The following CPNE5 variants were observed in gnomAD, a reference collection of about 807,000 sequenced individuals.
CPNE5 encodes copine-5.
Under a neutral mutation model 81.1 loss-of-function variants are expected in CPNE5, and 42 were observed. That is an observed-to-expected ratio of 0.52 (90% CI 0.40 to 0.67). The LOEUF is 0.67. CPNE5 is among the 30% of genes least tolerant of loss of function. The pLI, the probability that CPNE5 is intolerant of heterozygous loss-of-function variation, is 0.00. For missense variants in CPNE5, 612 were observed against 815.5 expected (o/e 0.75, Z 3.04); for synonymous variants, 313 against 321.5 (o/e 0.97, Z 0.28).
chr6:36,780,639 C>G (rs963169274), intron 8 of CPNE5, among the ~76,000 whole-genome samples: 2 of 152,168 alleles, frequency 1.3e-5, no homozygotes, highest in Non-Finnish European at 2.9e-5. Flanking sequence ...CCCGCCCAGC[C>G]ACAGTGTGTG....
chr6:36,818,586 G>A (rs1345833660), intron 3 of CPNE5, among the ~76,000 whole-genome samples: 3 of 152,134 alleles, frequency 2.0e-5, no homozygotes, highest in Admixed American at 6.5e-5. Flanking sequence ...CCGTCATCTC[G>A]TTTCACCCTC....
intron 14 of CPNE5, among the ~76,000 whole-genome samples, chr6:36,749,268 T>C (rs1764535086): frequency 6.6e-6 from 1 of 152,056 alleles, no homozygotes; most frequent in Non-Finnish European, 1.5e-5. Flanking sequence ...GGTACAGGAA[T>C]CTGTGTTAGC....
rs181084747 is a variant in CPNE5 at position 36,780,468 on chromosome 6, C to T, written c.529-1511G>A. Among the ~76,000 whole-genome samples the T allele has an allele frequency of 3.4e-3, 514 of 152,336 alleles. 13 individuals carry two copies. Among genetic ancestry groups the T allele is most frequent in the Admixed American group, 0.031 (468 of 15,302 alleles). On this transcript the variant is annotated intron_variant, in intron 8 of 20. Coordinates refer to ENST00000244751, the MANE Select transcript of CPNE5 (RefSeq NM_020939.2). ...TCCCAATCCCATCCCTCCTTAGCTG[C>T]GTGACTTAAGGCAAGTTATTCACCC...
At chr6:36,826,890 TG>T (rs1488826093) in intron 1 of CPNE5, among the ~76,000 whole-genome samples, 2 of 152,148 alleles carry the variant, frequency 1.3e-5, no homozygotes, top group African/African-American at 2.4e-5. Flanking sequence ...ATCTGTAAAG[TG>T]GGGGGTGGGG....
At chr6:36,793,823 G>A (rs1769312256) in intron 7 of CPNE5, among the ~76,000 whole-genome samples, 1 of 152,192 alleles carries the variant, frequency 6.6e-6, no homozygotes, top group Admixed American at 6.5e-5. Flanking sequence ...GGGAAGGCCA[G>A]GGGAGCTCTG....
rs1769795118 is a variant in CPNE5 at position 36,798,471 on chromosome 6, G to A, written c.311C>T (p.Pro104Leu). 6.2e-7 allele frequency: 1 copy of A among 1,613,986 alleles called. No individual in the cohort carries two copies. Among genetic ancestry groups the A allele is most frequent in the Admixed American group, 1.7e-5 (1 of 59,996 alleles). Residue 104 changes from proline (P) to leucine (L), a missense_variant, in exon 5 of 21, where the codon CCT becomes CTT. By Grantham distance (98) the Pro-to-Leu change is moderately conservative (BLOSUM62 -3). Transcript: ENST00000244751. ...AGAACTCACGTGTTTGGATAAATCAGGACTCTTAGAGTCAACGTCGTATCT... is the reference window on the plus strand; with the variant it reads ...AGAACTCACGTGTTTGGATAAATCAAGACTCTTAGAGTCAACGTCGTATCT... ...FDLYDVDSKSPDLSKHDFLGQ... is the reference protein window; with the variant it reads ...FDLYDVDSKSLDLSKHDFLGQ...
chr6:36,839,207 A>G lies in CPNE5; in HGVS notation c.95+76T>C. ...CTGGGAAGGGGGCGCGCGGAGGTTT[A>G]GGATCGAAGCGGCAGGGGCCGCGGG... is the stretch of plus-strand genomic sequence containing the variant. On this transcript the variant is annotated intron_variant, in intron 1 of 20. Coordinates refer to ENST00000244751, the MANE Select transcript of CPNE5 (RefSeq NM_020939.2). This position sits in a 1 kb window ranked among gnomAD's most constrained non-coding sequence, Gnocchi z 7.3. The G allele has an allele frequency of 9.1e-7, 1 of 1,094,648 alleles. No individual in the cohort carries two copies. The highest frequency in any genetic ancestry group is 1.3e-6 in the Non-Finnish European group (1 of 776,976). The allele number at this position is 1,094,648 out of a possible 1,614,324, so 67.8% of individuals were successfully genotyped here.
At chr6:36,802,447 CT>C (rs2150535223) in intron 3 of CPNE5, among the ~76,000 whole-genome samples, 1 of 152,162 alleles carries the variant, frequency 6.6e-6, no homozygotes, top group South Asian at 2.1e-4. Context: ...TAGAGAGAGA[CT>C]CTGTCTCTAA....
intron 17 of CPNE5, 106 bp downstream of exon 17, chr6:36,745,282 A>G: frequency 6.8e-7 from 1 of 1,468,174 alleles, no homozygotes; most frequent in Non-Finnish European, 9.2e-7. Context: ...GGCTCCCTGA[A>G]AGGCAAGTGC....
At chr6:36,796,864 G>A (rs1009811565) in intron 6 of CPNE5, among the ~76,000 whole-genome samples, 19 of 152,198 alleles carry the variant, frequency 1.2e-4, no homozygotes, top group African/African-American at 4.3e-4. Context: ...TGGGGGTCAC[G>A]GGCAAGGATC....
In CPNE5 at chr6:36,792,034, C is replaced by A; in HGVS notation, c.527G>T (p.Arg176Met). The A allele has an allele frequency of 6.2e-7, 1 of 1,613,968 alleles. No homozygotes were observed. The highest frequency in any genetic ancestry group is 8.5e-7 in the Non-Finnish European group (1 of 1,179,820). ...ILSAEELSNC[R>M]DVATMQFCAN... is the part of the protein sequence containing the mutation. ...GTGCTGGAGTCCTCTGCCACTCACC[C>A]TACAGTTGCTGAGCTCCTCAGCGGA... Residue 176 changes from arginine (R) to methionine (M), a missense_variant and splice_region_variant, in exon 8 of 21, where the codon AGG (arginine) becomes ATG (methionine). Transcript: ENST00000244751.
chr6:36,770,180 A>G (rs1465558861), intron 10 of CPNE5, among the ~76,000 whole-genome samples: 2 of 152,188 alleles, frequency 1.3e-5, no homozygotes, highest in East Asian at 3.9e-4. Flanking sequence ...CAGCTAGGTC[A>G]CTCAGGTTTG....
Position 36,749,661 on chromosome 6 carries a change from T to A in CPNE5, c.972-1394A>T, listed in dbSNP as rs201097935. On this transcript the variant is annotated intron_variant, in intron 14 of 20. Coordinates refer to ENST00000244751, the MANE Select transcript of CPNE5 (RefSeq NM_020939.2). ...GAGCAACATAGTGAGACCTCAAAAA[T>A]AAAAAAAAAAAACCCACTAAAATAA... is the stretch of plus-strand genomic sequence containing the variant. 2.1e-3 allele frequency among the ~76,000 whole-genome samples: 286 copies of A among 139,314 alleles called. 1 individual carries two copies. The highest frequency in any genetic ancestry group is 0.014 in the East Asian group (70 of 4,868). The allele number at this position is 139,314 out of a possible 152,430, so 91.4% of individuals were successfully genotyped here.
At chr6:36,813,146 T>C (rs1287761430) in intron 3 of CPNE5, among the ~76,000 whole-genome samples, 5 of 152,232 alleles carry the variant, frequency 3.3e-5, no homozygotes, top group African/African-American at 7.2e-5. Flanking sequence ...ATCTTCCTGC[T>C]TCTGCCCTTT....
At chr6:36,775,925 G>T (rs980379536) in intron 9 of CPNE5, among the ~76,000 whole-genome samples, 1 of 152,024 alleles carries the variant, frequency 6.6e-6, no homozygotes, top group Non-Finnish European at 1.5e-5. Context: ...TTCTTGGGGG[G>T]CGAGTTTCCA....
At chr6:36,747,266 C>A (rs79179956) in intron 15 of CPNE5, among the ~76,000 whole-genome samples, 3 of 151,890 alleles carry the variant, frequency 2.0e-5, no homozygotes, top group Non-Finnish European at 2.9e-5. Flanking sequence ...CCCCCAGAGC[C>A]CTCTTCGCTG....
chr6:36,742,823 T>C (rs1172005534), intron 20 of CPNE5: 1 of 985,328 alleles, frequency 1.0e-6, no homozygotes, highest in Non-Finnish European at 1.2e-6. Context: ...CCCTGACTTC[T>C]GGGGCACGTG....
At chr6:36,754,552 G>T (rs1308185243) in intron 13 of CPNE5, 1 of 152,222 alleles carries the variant, frequency 6.6e-6, no homozygotes. Context: ...CAGGGAACTG[G>T]CCTGGGCGTC....
chr6:36,802,511 G>T (rs549176713), intron 3 of CPNE5, among the ~76,000 whole-genome samples: 2 of 152,308 alleles, frequency 1.3e-5, no homozygotes, highest in African/African-American at 4.8e-5. Context: ...GAAGGCAGGG[G>T]TGCTGTTCGT....
Sources: gnomAD v4.1 joint callset for allele counts (sites outside exome capture counted in the v4.1 genomes callset) on GRCh38, gnomAD v4.1.1 for gene constraint, Gnocchi (gnomAD v3.1) non-coding constraint, MANE v1.5 for transcripts, NCBI Gene and HGNC (gene_info 2026-07-23, HGNC 2026-07-21) for gene names.